The following NINJ2 variants were observed in gnomAD, a reference collection of about 807,000 sequenced individuals.
NINJ2 encodes ninjurin 2, also known as ninjurin-2.
Under a neutral mutation model 11.7 loss-of-function variants are expected in NINJ2, and 12 were observed. The ratio of observed to expected loss-of-function variants is 1.02; its 90% CI spans 0.66 to 1.66. The LOEUF is 1.66. Ranked by LOEUF, NINJ2 falls within the 40% of genes most tolerant of loss-of-function variation. The pLI is 0.00. For missense variants in NINJ2, 187 were observed against 181.8 expected (o/e 1.03, Z -0.16); for synonymous variants, 93 against 76.8 (o/e 1.21, Z -1.10).
Position 640,932 on chromosome 12 carries a change from C to G in NINJ2, c.33+22396G>C, listed in dbSNP as rs1238828824. On this transcript the variant is annotated intron_variant, in intron 1 of 3. Transcript: ENST00000305108. This position sits in a 1 kb window ranked among gnomAD's most constrained non-coding sequence, Gnocchi z 4.0. ...TACAGACCACTCCTAACTTCAGTCC[C>G]GGAAGAATGGAAGGAAGGCTGCAAC... The G allele has an allele frequency of 6.6e-6, 1 of 152,224 alleles. No individual in the cohort carries two copies. The highest frequency in any genetic ancestry group is 2.4e-5 in the African/African-American group (1 of 41,382). The allele number at this position is 152,224 out of a possible 1,614,324, so 9.4% of individuals were successfully genotyped here.
chr12:568,021 A>C (rs764281831), intron 1 of NINJ2, among the ~76,000 whole-genome samples: 17 of 152,144 alleles, frequency 1.1e-4, no homozygotes, highest in Non-Finnish European at 2.4e-4. Context: ...ACAAAAACAA[A>C]AACAAAACTC....
intron 1 of NINJ2, among the ~76,000 whole-genome samples, chr12:603,281 T>G (rs568311490): frequency 6.6e-6 from 1 of 152,376 alleles, no homozygotes; most frequent in Admixed American, 6.5e-5. Context: ...GTCTTTTTAT[T>G]ATAAAGTTGT....
At chr12:648,258 A>G (rs1937722742) in intron 1 of NINJ2, among the ~76,000 whole-genome samples, 1 of 152,148 alleles carries the variant, frequency 6.6e-6, no homozygotes, top group African/African-American at 2.4e-5. Context: ...TTGTATTTTT[A>G]GTAGAGACAG....
intron 1 of NINJ2, among the ~76,000 whole-genome samples, chr12:615,143 G>A (rs1165019512): frequency 6.6e-6 from 1 of 152,184 alleles, no homozygotes; most frequent in Non-Finnish European, 1.5e-5. Flanking sequence ...TGATAAATGA[G>A]TGACTCTCAA....
In NINJ2 at chr12:628,031, T is replaced by C. The variant is rs1245729388; in HGVS notation, c.33+35297A>G. On this transcript the variant is annotated intron_variant, in intron 1 of 3. Transcript: ENST00000305108. The surrounding 1 kb of genome is among the most constrained non-coding windows in gnomAD (Gnocchi z 4.4). ...CCCCGCCCTGCCCCCGGCTCCTCTT[T>C]CACACCCTGTGCCAGACAGAAGGCC... Among the ~76,000 whole-genome samples the C allele has an allele frequency of 6.6e-6, 1 of 152,202 alleles. No homozygotes were observed. The highest frequency in any genetic ancestry group is 1.5e-5 in the Non-Finnish European group (1 of 68,026).
intron 1 of NINJ2, among the ~76,000 whole-genome samples, chr12:639,057 T>A (rs1302035189): frequency 2.0e-5 from 3 of 152,114 alleles, no homozygotes; most frequent in African/African-American, 7.2e-5. Context: ...TCAGGCACAG[T>A]ACAAAACCCT....
intron 1 of NINJ2, among the ~76,000 whole-genome samples, chr12:629,129 G>A (rs566176147): frequency 1.3e-5 from 2 of 152,262 alleles, no homozygotes; most frequent in African/African-American, 2.4e-5. Context: ...TACAAGATCC[G>A]AAAAACCCTC....
At chr12:570,501 G>A (rs1044570528) in intron 1 of NINJ2, among the ~76,000 whole-genome samples, 8 of 152,248 alleles carry the variant, frequency 5.3e-5, no homozygotes, top group Non-Finnish European at 8.8e-5. Context: ...GGAGTGGGGA[G>A]CGCAGCAGGG....
chr12:581,466 G>A lies in NINJ2; in HGVS notation c.34-15288C>T, dbSNP rs1356226128. On this transcript the variant is annotated intron_variant, in intron 1 of 3. Coordinates refer to ENST00000305108, the MANE Select transcript of NINJ2 (RefSeq NM_016533.6). This position sits in a 1 kb window ranked among gnomAD's most constrained non-coding sequence, Gnocchi z 4.9. ...GCCTGGGCCTGGAACCAGCCTGCCT[G>A]GATTGCCTGGCCCTAGGACTCATGC... Among the ~76,000 whole-genome samples, 3 of 152,168 alleles carry A rather than the reference G, an allele frequency of 2.0e-5. No individual in the cohort carries two copies. The highest frequency in any genetic ancestry group is 6.5e-5 in the Admixed American group (1 of 15,268).
At chr12:629,733 C>A (rs1948249009) in intron 1 of NINJ2, among the ~76,000 whole-genome samples, 1 of 150,304 alleles carries the variant, frequency 6.7e-6, no homozygotes, top group Non-Finnish European at 1.5e-5. Flanking sequence ...ACTAAAAATG[C>A]AAAATTAACC....
chr12:645,643 T>C (rs1250705894), intron 1 of NINJ2: 2 of 152,222 alleles, frequency 1.3e-5, no homozygotes, highest in Non-Finnish European at 2.9e-5. Flanking sequence ...CTTCTGTCCA[T>C]GCACTCTCTC....
chr12:593,732 C>G (rs938606830), intron 1 of NINJ2, among the ~76,000 whole-genome samples: 1 of 148,472 alleles, frequency 6.7e-6, no homozygotes, highest in Non-Finnish European at 1.5e-5. Context: ...GGAGGAGGAG[C>G]AGAAGGAGGA....
chr12:585,543 G>A lies in NINJ2; in HGVS notation c.34-19365C>T, dbSNP rs2369390. On this transcript the variant is annotated intron_variant, in intron 1 of 3. Transcript: ENST00000305108. This position sits in a 1 kb window ranked among gnomAD's most constrained non-coding sequence, Gnocchi z 4.1. ...AAGGGAAGGGAACGGTTGGAGGGAA[G>A]GGAAGGGAACGGTTGGAGGGAAGGG... 2.8e-5 allele frequency among the ~76,000 whole-genome samples: 2 copies of A among 70,318 alleles called. No individual in the cohort carries two copies. Among genetic ancestry groups the A allele is most frequent in the African/African-American group, 5.2e-5 (1 of 19,062 alleles). 46.1% of individuals were successfully genotyped at this position (70,318 alleles called of 152,430 possible). A position where few individuals can be genotyped will look rare whatever the true frequency, so the allele number is the denominator to read the frequency against.
At chr12:616,334 T>G (rs1948091040) in intron 1 of NINJ2, among the ~76,000 whole-genome samples, 1 of 152,240 alleles carries the variant, frequency 6.6e-6, no homozygotes, top group South Asian at 2.1e-4. Flanking sequence ...TGTAAGTTAC[T>G]AATCCCACCA....
intron 1 of NINJ2, among the ~76,000 whole-genome samples, chr12:655,207 C>A (rs1473471742): frequency 6.6e-6 from 1 of 152,204 alleles, no homozygotes; most frequent in African/African-American, 2.4e-5. Context: ...AATTTGCATT[C>A]AGTATGAACA....
At chr12:577,431 A>ACATATATATATG (rs1947478854) in intron 1 of NINJ2, among the ~76,000 whole-genome samples, 2 of 134,226 alleles carry the variant, frequency 1.5e-5, no homozygotes, top group African/African-American at 5.9e-5. Context: ...ATATATATAC[A>ACATATATATATG]TATATATATA....
chr12:601,452 G>A (rs1359752660), intron 1 of NINJ2, among the ~76,000 whole-genome samples: 1 of 152,030 alleles, frequency 6.6e-6, no homozygotes, highest in Non-Finnish European at 1.5e-5. Flanking sequence ...GGAGGCTGAG[G>A]CAGGAGAATG....
At chr12:573,335 G>A (rs773725748) in intron 1 of NINJ2, among the ~76,000 whole-genome samples, 1 of 152,136 alleles carries the variant, frequency 6.6e-6, no homozygotes, top group African/African-American at 2.4e-5. Flanking sequence ...CCCAGAGCCT[G>A]TAATTTTCAC....
intron 1 of NINJ2, among the ~76,000 whole-genome samples, chr12:600,113 G>A (rs1947847661): frequency 6.6e-6 from 1 of 152,172 alleles, no homozygotes; most frequent in South Asian, 2.1e-4. Flanking sequence ...CTACTTCCAA[G>A]CTTCAATTCC....
Sources: gnomAD v4.1 joint callset for allele counts (sites outside exome capture counted in the v4.1 genomes callset) on GRCh38, gnomAD v4.1.1 for gene constraint, Gnocchi (gnomAD v3.1) non-coding constraint, MANE v1.5 for transcripts, NCBI Gene and HGNC (gene_info 2026-07-23, HGNC 2026-07-21) for gene names.